CACTIN: variants seen among roughly 807,000 people sequenced by gnomAD.
CACTIN encodes the protein cactin, spliceosome C complex subunit, also known as splicing factor Cactin.
In CACTIN, 20 loss-of-function variants were observed where a neutral mutation model predicts 84.9. That is an observed-to-expected ratio of 0.24 (90% confidence interval 0.17 to 0.34). The LOEUF (loss-of-function observed/expected upper bound fraction) is 0.34. CACTIN is among the 10% of genes least tolerant of loss of function. CACTIN has a pLI of 1.00. For missense variants in CACTIN, 897 were observed against 1,117.2 expected (o/e 0.80, Z 2.81); for synonymous variants, 549 against 467.9 (o/e 1.17, Z -2.24).
At position 3,612,270 on chromosome 19, in the gene CACTIN, G is replaced by A; in HGVS notation, c.1930C>T (p.Arg644Cys). Reference protein sequence around the residue: ...WADKYRPRKPRFFNRVHTGFE... With the variant: ...WADKYRPRKPCFFNRVHTGFE... ...CCCGTGTGCACGCGGTTGAAGAAGC[G>A]CGGCTTGCGTGGCCGGTACTTGTCG... Residue 644 changes from arginine (R) to cysteine (C), a missense_variant, in exon 10 of 10, where the codon CGC becomes TGC. By Grantham distance (180) the Arg-to-Cys change is radical (BLOSUM62 -3). Around this residue, in one of 8 missense-constraint regions of CACTIN, gnomAD observed 13 missense variants for 27.0 expected, o/e 0.48. Transcript: ENST00000429344. 1 of 1,613,148 alleles carries A rather than the reference G, an allele frequency of 6.2e-7. No homozygotes were observed. Among genetic ancestry groups the A allele is most frequent in the Non-Finnish European group, 8.5e-7 (1 of 1,179,900 alleles).
In CACTIN at chr19:3,618,894, C is replaced by T; in HGVS notation, c.1143G>A (p.Glu381=). The part of the protein sequence containing the change: ...EDEISKLRKL[E]ASGKGPGERR... Reference sequence around the variant, plus strand: ...CGTTACCTGGCCCCTTGCCCGAGGCCTCCAGCTTGCGGAGCTTGGAGATCT... The same window carrying T: ...CGTTACCTGGCCCCTTGCCCGAGGCTTCCAGCTTGCGGAGCTTGGAGATCT... The change falls in exon 6 of 10, where the codon GAG becomes GAA. Residue 381 remains glutamate (E), a synonymous_variant. Transcript: ENST00000429344. 1 of 1,554,132 alleles carries T rather than the reference C, an allele frequency of 6.4e-7. No homozygotes were observed. Among genetic ancestry groups the T allele is most frequent in the Non-Finnish European group, 8.7e-7 (1 of 1,148,536 alleles).
intron 6 of CACTIN, 148 bp downstream of exon 6, chr19:3,618,727 C>T (rs1212548409): frequency 4.6e-6 from 3 of 654,014 alleles, no homozygotes; most frequent in Non-Finnish European, 7.8e-6. Flanking sequence ...GCTGCTGCCC[C>T]CTGGTGGCTC....
intron 1 of CACTIN, 113 bp from the exon 2 acceptor site, chr19:3,624,275 G>T: frequency 1.0e-6 from 1 of 981,318 alleles, no homozygotes. Flanking sequence ...TGGGGACACA[G>T]CAGTGACCCA....
In CACTIN at chr19:3,613,121, C is replaced by T. The variant is rs367932696; in HGVS notation, c.1723G>A (p.Val575Met). The change falls in exon 9 of 10, where the codon GTG (valine) becomes ATG (methionine). Residue 575 changes from valine (V) to methionine (M), a missense_variant. This residue lies in a region of CACTIN where 243 missense variants were observed against 239.9 expected (regional missense o/e 1.01). Transcript: ENST00000429344. ...TAHELPLDAH[V>M]LEPDEDLQRL... The stretch of plus-strand genomic sequence containing the variant: ...TGCAGGTCCTCATCCGGTTCCAGCA[C>T]GTGCGCGTCCAGTGGCAGCTCGTGC... 12 of 1,605,828 alleles carry T rather than the reference C, an allele frequency of 7.5e-6. No individual in the cohort carries two copies. The highest frequency in any genetic ancestry group is 2.7e-5 in the African/African-American group (2 of 74,856).
At chr19:3,614,307 G>A in intron 7 of CACTIN, 90 bp downstream of exon 7, 2 of 1,308,058 alleles carry the variant, frequency 1.5e-6, no homozygotes, top group Non-Finnish European at 2.1e-6. Flanking sequence ...CCCAGGAGGA[G>A]GCGAGACCCA....
chr19:3,624,260 G>T, intron 1 of CACTIN, 98 bp from the exon 2 acceptor site: 7 of 1,145,554 alleles, frequency 6.1e-6, no homozygotes, highest in South Asian at 1.5e-5. Context: ...CACTGTTCTA[G>T]GTTCTGGGGA....
intron 2 of CACTIN, 84 bp from the exon 3 acceptor site, chr19:3,620,886 AG>A (rs1300440454): frequency 1.8e-6 from 2 of 1,087,252 alleles, no homozygotes; most frequent in Non-Finnish European, 1.4e-6. Flanking sequence ...GAGATTGACC[AG>A]GGCCCTTGTT....
In CACTIN at chr19:3,612,549, G is replaced by A. The variant is rs985305749; in HGVS notation, c.1787-136C>T. 6.2e-6 allele frequency: 8 copies of A among 1,298,494 alleles called. No homozygotes were observed. In the East Asian group the frequency reaches 1.5e-4, roughly 25 times the overall value. The allele number at this position is 1,298,494 out of a possible 1,614,324, so 80.4% of individuals were successfully genotyped here. A position where few individuals can be genotyped will look rare whatever the true frequency, so the allele number is the denominator to read the frequency against. ...GGCTGGGGCGAGCTAAGGCACATGG[G>A]GAGGGGACAGGGCCTGGGCGACCCG... On this transcript the variant is annotated intron_variant, in intron 9 of 9. Transcript: ENST00000429344.
Position 3,613,338 on chromosome 19 carries a change from G to C in CACTIN, c.1506C>G (p.Thr502=). 1 of 1,518,220 alleles carries C rather than the reference G, an allele frequency of 6.6e-7. No homozygotes were observed. The highest frequency in any genetic ancestry group is 2.5e-5 in the East Asian group (1 of 40,766). 94.0% of individuals were successfully genotyped at this position (1,518,220 alleles called of 1,614,324 possible). A position where few individuals can be genotyped will look rare whatever the true frequency, so the allele number is the denominator to read the frequency against. Residue 502 remains threonine, a synonymous_variant, in exon 9 of 10, where the codon ACC becomes ACG. Coordinates refer to ENST00000429344, the MANE Select transcript of CACTIN (RefSeq NM_001080543.2). ...RSLEPEDAAP[T]PPGPSSEGGP... is the part of the protein sequence containing the mutation. The stretch of plus-strand genomic sequence containing the variant: ...CGCCCTCCGAGGAGGGCCCGGGCGG[G>C]GTGGGCGCCGCGTCCTCAGGCTCCA...
rs916710071 is a variant in CACTIN at position 3,619,378 on chromosome 19, T to TGGA, written c.885-139_885-137dup. The stretch of plus-strand genomic sequence containing the variant: ...TTGGGGGTGGTCAGGGAAGGCTTCC[T>TGGA]GGAGGAGGAGGAGGAGGAGGCATAA... On this transcript the variant is annotated intron_variant, in intron 4 of 9. Coordinates refer to ENST00000429344, the MANE Select transcript of CACTIN (RefSeq NM_001080543.2). 173 of 1,009,692 alleles carry TGGA rather than the reference T, an allele frequency of 1.7e-4. 1 individual carries two copies. Among genetic ancestry groups the TGGA allele is most frequent in the South Asian group, 6.3e-4 (38 of 60,584 alleles). 62.5% of individuals were successfully genotyped at this position (1,009,692 alleles called of 1,614,324 possible).
At chr19:3,620,424 G>A (rs981545519) in intron 3 of CACTIN, 152 bp from the exon 4 acceptor site, 2 of 918,772 alleles carry the variant, frequency 2.2e-6, no homozygotes, top group Non-Finnish European at 3.4e-6. Context: ...CAGACCTTGG[G>A]AAGGGAGAGG....
chr19:3,613,442 C>T (rs1044348627), intron 8 of CACTIN, 22 bp downstream of exon 8: 3 of 1,560,644 alleles, frequency 1.9e-6, no homozygotes, highest in Non-Finnish European at 2.6e-6. Context: ...ATCGGCGTCC[C>T]CGGGGTGCCG....
rs530218912 is a variant in CACTIN at position 3,612,534 on chromosome 19, A to G, written c.1787-121T>C. 3.0e-4 allele frequency: 422 copies of G among 1,390,926 alleles called. No homozygotes were observed. In the South Asian group the frequency reaches 4.8e-3, roughly 16 times the overall value. 86.2% of individuals were successfully genotyped at this position (1,390,926 alleles called of 1,614,324 possible). Reference sequence around the variant, plus strand: ...CGCAAAAGGAAAACAGGCTGGGGCGAGCTAAGGCACATGGGGAGGGGACAG... The same window carrying G: ...CGCAAAAGGAAAACAGGCTGGGGCGGGCTAAGGCACATGGGGAGGGGACAG... On this transcript the variant is annotated intron_variant, in intron 9 of 9. Transcript: ENST00000429344.
chr19:3,619,156 A>G lies in CACTIN; in HGVS notation c.971T>C (p.Val324Ala). 4 of 1,610,662 alleles carry G rather than the reference A, an allele frequency of 2.5e-6. No individual in the cohort carries two copies. Among genetic ancestry groups the G allele is most frequent in the Non-Finnish European group, 3.4e-6 (4 of 1,178,616 alleles). Residue 324 changes from valine (V) to alanine (A), a missense_variant, in exon 5 of 10, where the codon GTG (valine) becomes GCG (alanine). This residue lies in a region of CACTIN where 304 missense variants were observed against 444.3 expected (regional missense o/e 0.68). Coordinates refer to ENST00000429344, the MANE Select transcript of CACTIN (RefSeq NM_001080543.2). ...GAACGTGTAGGGCTCATGCATCTCC[A>G]CGGCCAGATCGTCATCCTCAGCGCT... ...YISAEDDDLA[V>A]EMHEPYTFLN... is the part of the protein sequence containing the mutation.
chr19:3,614,227 C>T (rs1469073807), intron 7 of CACTIN, among the ~76,000 whole-genome samples, 170 bp downstream of exon 7: 1 of 152,074 alleles, frequency 6.6e-6, no homozygotes, highest in Non-Finnish European at 1.5e-5. Flanking sequence ...CGCCCCCCGG[C>T]CCCCCTTCGT....
Position 3,619,131 on chromosome 19 carries a change from G to A in CACTIN, c.996C>T (p.Phe332=), listed in dbSNP as rs1400887024. 7 of 1,599,766 alleles carry A rather than the reference G, an allele frequency of 4.4e-6. No homozygotes were observed. Among genetic ancestry groups the A allele is most frequent in the African/African-American group, 1.3e-5 (1 of 74,742 alleles). ...TGTCGGCCACGGTGAGGCCGTTGAG[G>A]AACGTGTAGGGCTCATGCATCTCCA... The part of the protein sequence containing the change: ...LAVEMHEPYT[F]LNGLTVADME... The change falls in exon 5 of 10, where the codon TTC becomes TTT. Residue 332 remains phenylalanine (F), a synonymous_variant. Transcript: ENST00000429344.
chr19:3,614,273 C>T, intron 7 of CACTIN, 124 bp downstream of exon 7: 1 of 1,026,390 alleles, frequency 9.7e-7, no homozygotes, highest in Non-Finnish European at 1.4e-6. Flanking sequence ...CGGCACTTTC[C>T]TGCCCCTCTC....
intron 2 of CACTIN, among the ~76,000 whole-genome samples, chr19:3,621,948 T>A (rs1373297953): frequency 2.0e-5 from 3 of 152,082 alleles, no homozygotes; most frequent in African/African-American, 7.2e-5. Context: ...GCAGGTGCAG[T>A]CGGCCCAGCC....
In CACTIN at chr19:3,620,100, C is replaced by T. The variant is rs370385181; in HGVS notation, c.884+27G>A. ...CCCGGCCCTGGCTCCAAGTCTGGGT[C>T]GGAGGGAGGGGGAGGCCCCAGCGCA... On this transcript the variant is annotated intron_variant, in intron 4 of 9. Transcript: ENST00000429344. 205 of 1,606,064 alleles carry T rather than the reference C, an allele frequency of 1.3e-4. No individual in the cohort carries two copies. The African/African-American group carries it at 2.4e-3, about 19-fold the overall frequency.
Sources: allele counts gnomAD v4.1 joint callset (sites outside exome capture counted in the v4.1 genomes callset), GRCh38; gene constraint gnomAD v4.1.1; regional missense constraint gnomAD v4.1.1; transcripts MANE v1.5; gene names NCBI Gene and HGNC (gene_info 2026-07-23, HGNC 2026-07-21).